Variants in GAD2 observed in about 807,000 individuals in gnomAD.
GAD2 encodes 65 kDa glutamic acid decarboxylase.
A neutral mutation model predicts 80.1 loss-of-function variants in GAD2; 22 were observed. The ratio of observed to expected loss-of-function variants is 0.27; its 90% CI spans 0.20 to 0.39. The LOEUF (loss-of-function observed/expected upper bound fraction) is 0.39. GAD2 is among the 10% of genes least tolerant of loss of function. The pLI, the probability that GAD2 is intolerant of heterozygous loss-of-function variation, is 1.00. For missense variants in GAD2, 624 were observed against 738.4 expected (o/e 0.85, Z 1.80); for synonymous variants, 274 against 256.9 (o/e 1.07, Z -0.64).
chr10:26,266,691 C>T (rs996436388), intron 8 of GAD2, among the ~76,000 whole-genome samples: 2 of 152,208 alleles, frequency 1.3e-5, no homozygotes, highest in African/African-American at 4.8e-5. Flanking sequence ...GACAAGCCTA[C>T]TCCCTCCTTC....
intron 10 of GAD2, among the ~76,000 whole-genome samples, chr10:26,271,001 A>G (rs4749103): frequency 6.6e-6 from 1 of 152,078 alleles, no homozygotes; most frequent in Non-Finnish European, 1.5e-5. Flanking sequence ...TTGTATTTCT[A>G]TGATCAGTAC....
At chr10:26,225,928 A>C (rs764263761) in intron 6 of GAD2, among the ~76,000 whole-genome samples, 1 of 152,182 alleles carries the variant, frequency 6.6e-6, no homozygotes, top group African/African-American at 2.4e-5. Context: ...GAGCTTGGTC[A>C]TCATTGCCTG....
At chr10:26,248,373 G>A (rs1844836587) in intron 8 of GAD2, among the ~76,000 whole-genome samples, 1 of 152,194 alleles carries the variant, frequency 6.6e-6, no homozygotes, top group Non-Finnish European at 1.5e-5. Flanking sequence ...CCTCCCTCCA[G>A]GCCCTTCAGG....
At position 26,217,884 on chromosome 10, in the gene GAD2, G is replaced by C; in HGVS notation, c.179G>C (p.Gly60Ala). The C allele has an allele frequency of 6.2e-7, 1 of 1,607,822 alleles. No individual in the cohort carries two copies. The highest frequency in any genetic ancestry group is 8.5e-7 in the Non-Finnish European group (1 of 1,177,414). ...GDAEKPAESG[G>A]SQPPRAAARK... is the part of the protein sequence containing the mutation. ...GCCGAGAAGCCGGCGGAGAGCGGCG[G>C]GAGCCAACCCCCGCGGGCCGCCGCC... The change falls in exon 3 of 16, where the codon GGG becomes GCG. Residue 60 changes from glycine to alanine, a missense_variant. Physicochemically the swap from Gly to Ala is moderately conservative, Grantham distance 60. Transcript: ENST00000376261. The surrounding 1 kb of genome is among the most constrained non-coding windows in gnomAD (Gnocchi z 4.9).
At chr10:26,236,330 C>T (rs1419455917) in intron 7 of GAD2, among the ~76,000 whole-genome samples, 23 of 143,816 alleles carry the variant, frequency 1.6e-4, no homozygotes, top group African/African-American at 5.6e-4. Flanking sequence ...GATGGAGTCT[C>T]ACTCTTGTCG....
rs1197244844 is a variant in GAD2 at position 26,304,153 on chromosome 10, G to A, written c.*3192G>A. The A allele has an allele frequency of 1.3e-5, 2 of 152,538 alleles. No homozygotes were observed. The highest frequency in any genetic ancestry group is 4.8e-5 in the African/African-American group (2 of 41,440). 9.4% of individuals were successfully genotyped at this position (152,538 alleles called of 1,614,324 possible). Reference sequence around the variant, plus strand: ...GAACAGACGTTACCAATTATGGAGTGTCACCAGCTGCCAAAATCGTAGGTG... The same window carrying A: ...GAACAGACGTTACCAATTATGGAGTATCACCAGCTGCCAAAATCGTAGGTG... On this transcript the variant is annotated 3_prime_UTR_variant, in exon 16 of 16. Transcript: ENST00000376261.
chr10:26,294,001 T>C (rs1219052866), intron 15 of GAD2, among the ~76,000 whole-genome samples: 1 of 152,214 alleles, frequency 6.6e-6, no homozygotes, highest in East Asian at 1.9e-4. Context: ...TAAGACACCA[T>C]TAATCTTTCA....
chr10:26,219,282 GT>G lies in GAD2; in HGVS notation c.520+7del, dbSNP rs766547783. On this transcript the variant is annotated splice_region_variant and intron_variant, in intron 4 of 15. Coordinates refer to ENST00000376261, the MANE Select transcript of GAD2 (RefSeq NM_001134366.2). ...AAAATATGCAATTAAAACAGGTATT[GT>G]CTCATCGAAAATAATAAAGCTCTTT... The G allele has an allele frequency of 6.7e-7, 1 of 1,486,068 alleles. No individual in the cohort carries two copies. Among genetic ancestry groups the G allele is most frequent in the African/African-American group, 1.4e-5 (1 of 71,424 alleles). The allele number at this position is 1,486,068 out of a possible 1,614,324, so 92.1% of individuals were successfully genotyped here.
intron 8 of GAD2, among the ~76,000 whole-genome samples, chr10:26,254,999 G>A (rs1474480428): frequency 2.6e-5 from 4 of 152,228 alleles, no homozygotes; most frequent in African/African-American, 7.2e-5. Context: ...TGAGTTTGAC[G>A]AGGTTATGAG....
chr10:26,217,712 G>C lies in GAD2; in HGVS notation c.136+43G>C, dbSNP rs1021237642. 6.2e-7 allele frequency: 1 copy of C among 1,604,422 alleles called. No homozygotes were observed. The highest frequency in any genetic ancestry group is 1.3e-5 in the African/African-American group (1 of 74,804). ...GGGGCGGCCAAGGTCGGCCCGCGGG[G>C]TCCAAGCAGTCTTCTCACCTCCGCA... On this transcript the variant is annotated intron_variant, in intron 2 of 15. Coordinates refer to ENST00000376261, the MANE Select transcript of GAD2 (RefSeq NM_001134366.2). The surrounding 1 kb of genome is among the most constrained non-coding windows in gnomAD (Gnocchi z 4.9).
intron 7 of GAD2, among the ~76,000 whole-genome samples, chr10:26,233,376 TC>T: frequency 6.6e-6 from 1 of 152,324 alleles, no homozygotes; most frequent in East Asian, 1.9e-4. Flanking sequence ...ACTCTCTCTT[TC>T]TACCAAAAAA....
In GAD2 at chr10:26,302,968, A is replaced by ATAT. The variant is rs1311778915; in HGVS notation, c.*2007_*2008insTAT. On this transcript the variant is annotated 3_prime_UTR_variant, in exon 16 of 16. Coordinates refer to ENST00000376261, the MANE Select transcript of GAD2 (RefSeq NM_001134366.2). ...TTTCTCAAAACTGCCTGCTGAGAAT[A>ATAT]AGCACATAGCTGCCCGACTATCCGG... 3.3e-5 allele frequency: 5 copies of ATAT among 152,202 alleles called. No individual in the cohort carries two copies. The highest frequency in any genetic ancestry group is 5.9e-5 in the Non-Finnish European group (4 of 68,044). The allele number at this position is 152,202 out of a possible 1,614,324, so 9.4% of individuals were successfully genotyped here. A position where few individuals can be genotyped will look rare whatever the true frequency, so the allele number is the denominator to read the frequency against.
chr10:26,229,520 T>G, intron 6 of GAD2, 142 bp from the exon 7 acceptor site: 1 of 621,858 alleles, frequency 1.6e-6, no homozygotes, highest in Non-Finnish European at 2.8e-6. Flanking sequence ...CCTTTGAGTC[T>G]GAGGATTCAG....
chr10:26,275,481 T>C (rs550735955), intron 11 of GAD2, among the ~76,000 whole-genome samples: 24 of 152,342 alleles, frequency 1.6e-4, no homozygotes, highest in African/African-American at 5.8e-4. Flanking sequence ...GCCGCAATTC[T>C]TGAAACTGTA....
chr10:26,285,627 T>C (rs1213781805), intron 12 of GAD2, among the ~76,000 whole-genome samples: 1 of 152,238 alleles, frequency 6.6e-6, no homozygotes, highest in Non-Finnish European at 1.5e-5. Flanking sequence ...TGAATGGCCA[T>C]TGACGATGAA....
Position 26,217,666 on chromosome 10 carries a change from T to C in GAD2, c.133T>C (p.Cys45Arg), listed in dbSNP as rs1311212033. The change falls in exon 2 of 16, where the codon TGC becomes CGC. Residue 45 changes from cysteine (C) to arginine (R), a missense_variant. Cys to Arg is a radical substitution (Grantham distance 180, BLOSUM62 -3). Coordinates refer to ENST00000376261, the MANE Select transcript of GAD2 (RefSeq NM_001134366.2). This position sits in a 1 kb window ranked among gnomAD's most constrained non-coding sequence, Gnocchi z 4.9. Reference protein sequence around the residue: ...KFTGGIGNKLCALLYGDAEKP... With the variant: ...KFTGGIGNKLRALLYGDAEKP... ...CACGGGCGGCATCGGAAACAAACTGTGCGGTGAGTGCCCAGGGACCGGGGC... is the reference window on the plus strand; with the variant it reads ...CACGGGCGGCATCGGAAACAAACTGCGCGGTGAGTGCCCAGGGACCGGGGC... The C allele has an allele frequency of 6.2e-7, 1 of 1,613,336 alleles. No individual in the cohort carries two copies. The highest frequency in any genetic ancestry group is 8.5e-7 in the Non-Finnish European group (1 of 1,179,740).
chr10:26,295,149 C>T (rs1313574885), intron 15 of GAD2, among the ~76,000 whole-genome samples: 1 of 152,054 alleles, frequency 6.6e-6, no homozygotes, highest in Non-Finnish European at 1.5e-5. Context: ...TATCACTCTT[C>T]AAATGCCTCC....
rs1402582913 is a variant in GAD2, at chr10:26,292,469, C to T, written c.1391C>T (p.Thr464Ile). Reference protein sequence around the residue: ...KLWLMWRAKGTTGFEAHVDKC... With the variant: ...KLWLMWRAKGITGFEAHVDKC... ...CTGTGTCCTTCTCTTACCTAGGGGA[C>T]TACCGGGTTTGAAGCGCATGTTGAT... Residue 464 changes from threonine (T) to isoleucine (I), a missense_variant, in exon 14 of 16, where the codon ACT (threonine) becomes ATT (isoleucine). Coordinates refer to ENST00000376261, the MANE Select transcript of GAD2 (RefSeq NM_001134366.2). The T allele has an allele frequency of 6.2e-7, 1 of 1,613,112 alleles. No homozygotes were observed. Among genetic ancestry groups the T allele is most frequent in the Non-Finnish European group, 8.5e-7 (1 of 1,179,154 alleles).
At chr10:26,259,360 T>C (rs1187021806) in intron 8 of GAD2, among the ~76,000 whole-genome samples, 1 of 152,186 alleles carries the variant, frequency 6.6e-6, no homozygotes, top group African/African-American at 2.4e-5. Context: ...TCACCACCAC[T>C]TGTTATTTTT....
Sources: allele counts gnomAD v4.1 joint callset (sites outside exome capture counted in the v4.1 genomes callset), GRCh38; gene constraint gnomAD v4.1.1; non-coding constraint Gnocchi (gnomAD v3.1); transcripts MANE v1.5; gene names NCBI Gene and HGNC (gene_info 2026-07-23, HGNC 2026-07-21).